Variants in ZNF253 observed in about 807,000 individuals in gnomAD.
ZNF253 encodes zinc finger protein 253.
Under a neutral mutation model 11.9 loss-of-function variants are expected in ZNF253, and 8 were observed. The observed-to-expected ratio is 0.67, with a 90% CI of 0.40 to 1.22. The LOEUF (loss-of-function observed/expected upper bound fraction) is 1.22, where lower values mean the gene tolerates loss of function less well. Among genes scored for constraint, ZNF253 ranks in the 50% most tolerant of loss-of-function variants. The pLI is 0.01. For missense variants in ZNF253, 485 were observed against 586.9 expected, an observed-to-expected ratio of 0.83 and a Z score of 1.79; for synonymous variants, 194 against 194.9, an observed-to-expected ratio of 1.00 and a Z score of 0.04.
At chr19:19,879,270 A>ATG (rs536887360) in intron 2 of ZNF253, among the ~76,000 whole-genome samples, 308 of 152,312 alleles carry the variant, frequency 2.0e-3, no homozygotes, top group Non-Finnish European at 3.5e-3. Flanking sequence ...TAATATTTAA[A>ATG]TGTACTGCAT....
intron 1 of ZNF253, among the ~76,000 whole-genome samples, chr19:19,869,940 G>T (rs1487017055): frequency 1.3e-5 from 2 of 151,852 alleles, no homozygotes; most frequent in Non-Finnish European, 2.9e-5. Flanking sequence ...AAAAGTGCTG[G>T]TATTACCGGT....
At chr19:19,880,615 G>A (rs763233313) in intron 3 of ZNF253, among the ~76,000 whole-genome samples, 1 of 151,780 alleles carries the variant, frequency 6.6e-6, no homozygotes, top group South Asian at 2.1e-4. Flanking sequence ...TGAGTCAGGA[G>A]AATCATTTGA....
Position 19,878,604 on chromosome 19 carries a change from C to A in ZNF253, c.127C>A (p.Leu43Ile). 2 of 1,611,828 alleles carry A rather than the reference C, an allele frequency of 1.2e-6. No homozygotes were observed. The highest frequency in any genetic ancestry group is 1.7e-6 in the Non-Finnish European group (2 of 1,179,212). The change falls in exon 2 of 4, where the codon CTT (leucine) becomes ATT (isoleucine). Residue 43 changes from leucine to isoleucine, a missense_variant. Coordinates refer to ENST00000589717, the MANE Select transcript of ZNF253 (RefSeq NM_021047.3). ...MLENYRNLVF[L>I]GIVVSKPDLV... ...AGAGAACTACAGAAACTTGGTCTTC[C>A]TTGGTGAGGACAACTTGAATATATA...
In ZNF253 at chr19:19,865,934, C is replaced by T. The variant is rs538038552; in HGVS notation, c.-63C>T. ...GCTTATAGAGGCCCGTCCTCTGTGG[C>T]CGTGTGACCTGCAAGTATTGGGAGA... On this transcript the variant is annotated 5_prime_UTR_variant, in exon 1 of 4. Transcript: ENST00000589717. 7.5e-6 allele frequency: 12 copies of T among 1,608,822 alleles called. No homozygotes were observed. In the East Asian group the frequency reaches 2.7e-4, roughly 36 times the overall value.
chr19:19,872,579 ATTATT>A (rs1440601245), intron 1 of ZNF253, among the ~76,000 whole-genome samples: 2 of 96,886 alleles, frequency 2.1e-5, no homozygotes, highest in Non-Finnish European at 3.7e-5. Context: ...ATATATATAT[ATTATT>A]ATATATATAT....
intron 3 of ZNF253, among the ~76,000 whole-genome samples, chr19:19,887,867 G>T (rs2063212733): frequency 6.7e-6 from 1 of 150,266 alleles, no homozygotes. Flanking sequence ...CTCCTGAGTA[G>T]CTGGGATTAC....
intron 1 of ZNF253, among the ~76,000 whole-genome samples, chr19:19,877,686 C>G (rs1188254628): frequency 1.3e-5 from 2 of 152,122 alleles, no homozygotes; most frequent in Non-Finnish European, 2.9e-5. Context: ...ATGCTGTGTT[C>G]TTCTGTGTGA....
chr19:19,880,273 GTTTTT>G (rs765915336), intron 3 of ZNF253, 127 bp downstream of exon 3: 166 of 203,872 alleles, frequency 8.1e-4, no homozygotes, highest in East Asian at 1.4e-3. Flanking sequence ...CTGGGCAGCT[GTTTTT>G]TTTTTTTTTT....
chr19:19,871,515 T>G (rs559694579), intron 1 of ZNF253, among the ~76,000 whole-genome samples: 1 of 152,330 alleles, frequency 6.6e-6, no homozygotes, highest in Non-Finnish European at 1.5e-5. Flanking sequence ...GCCATTTTTG[T>G]AGCAGAGTGA....
chr19:19,889,207 T>C (rs188599716), intron 3 of ZNF253, among the ~76,000 whole-genome samples: 77 of 151,886 alleles, frequency 5.1e-4, no homozygotes, highest in African/African-American at 1.4e-3. Flanking sequence ...AAGTTATTTT[T>C]ATATTTTTTA....
Position 19,892,651 on chromosome 19 carries a change from T to C in ZNF253, c.1404T>C (p.Asn468=). 6.2e-7 allele frequency: 1 copy of C among 1,613,572 alleles called. No homozygotes were observed. The highest frequency in any genetic ancestry group is 8.5e-7 in the Non-Finnish European group (1 of 1,179,832). The change falls in exon 4 of 4, where the codon AAT becomes AAC. Residue 468 remains asparagine (N), a synonymous_variant. Coordinates refer to ENST00000589717, the MANE Select transcript of ZNF253 (RefSeq NM_021047.3). ...GKAFNWSSDL[N]KHKKIHIERK... is the part of the protein sequence containing the mutation. Reference sequence around the variant, plus strand: ...CTTTTAACTGGTCCTCAGACCTTAATAAACATAAGAAAATTCATATTGAAC... The same window carrying C: ...CTTTTAACTGGTCCTCAGACCTTAACAAACATAAGAAAATTCATATTGAAC...
At chr19:19,872,580 T>TATATATATATATATATATATATATA (rs1555777030) in intron 1 of ZNF253, among the ~76,000 whole-genome samples, 7 of 108,366 alleles carry the variant, frequency 6.5e-5, no homozygotes, top group South Asian at 2.8e-4. Context: ...TATATATATA[T>TATATATATATATATATATATATATA]TATTATATAT....
intron 2 of ZNF253, 153 bp downstream of exon 2, chr19:19,878,760 A>G (rs1438334614): frequency 4.2e-6 from 3 of 722,128 alleles, no homozygotes; most frequent in Middle Eastern, 3.8e-4. Flanking sequence ...ATATTTCTGT[A>G]TAATTTTTAT....
intron 1 of ZNF253, among the ~76,000 whole-genome samples, chr19:19,866,678 A>G (rs2063112649): frequency 6.6e-6 from 1 of 152,002 alleles, no homozygotes; most frequent in African/African-American, 2.4e-5. Context: ...TTGTATTTTT[A>G]GTAGACATGC....
At position 19,880,192 on chromosome 19, in the gene ZNF253, G is replaced by A. The variant is rs772168471; in HGVS notation, c.226+46G>A. 19 of 1,415,476 alleles carry A rather than the reference G, an allele frequency of 1.3e-5. No individual in the cohort carries two copies. The East Asian group carries it at 4.7e-4, about 35-fold the overall frequency. 87.7% of individuals were successfully genotyped at this position (1,415,476 alleles called of 1,614,324 possible). ...ATACAACAGATGACACAGATAAAAGGTCCCAATGTCAAAGAGAAAACCAGT... is the reference window on the plus strand; with the variant it reads ...ATACAACAGATGACACAGATAAAAGATCCCAATGTCAAAGAGAAAACCAGT... On this transcript the variant is annotated intron_variant, in intron 3 of 3. Coordinates refer to ENST00000589717, the MANE Select transcript of ZNF253 (RefSeq NM_021047.3).
At chr19:19,891,007 A>ATTTTTTTTTTTTTTTTT (rs1568501169) in intron 3 of ZNF253, among the ~76,000 whole-genome samples, 5 of 149,820 alleles carry the variant, frequency 3.3e-5, no homozygotes, top group African/African-American at 1.3e-4. Flanking sequence ...TGTCTGGCTA[A>ATTTTTTTTTTTTTTTTT]TTTTTTGTAT....
intron 1 of ZNF253, among the ~76,000 whole-genome samples, chr19:19,868,132 A>G (rs1209359709): frequency 6.6e-6 from 1 of 151,180 alleles, no homozygotes; most frequent in Non-Finnish European, 1.5e-5. Context: ...AATTTTTTTT[A>G]TTCTGTAGGT....
At chr19:19,870,412 CA>C (rs2063129374) in intron 1 of ZNF253, among the ~76,000 whole-genome samples, 1 of 149,210 alleles carries the variant, frequency 6.7e-6, no homozygotes, top group South Asian at 2.1e-4. Flanking sequence ...AAAAAAGCTA[CA>C]TATATTATGA....
At chr19:19,890,859 T>TTTTTTA (rs1491384633) in intron 3 of ZNF253, among the ~76,000 whole-genome samples, 1 of 118,356 alleles carries the variant, frequency 8.4e-6, no homozygotes, top group Non-Finnish European at 1.6e-5. Context: ...TTTTTTTTTT[T>TTTTTTA]GAGATGGCGT....
Sources: gnomAD v4.1 joint callset for allele counts (sites outside exome capture counted in the v4.1 genomes callset) on GRCh38, gnomAD v4.1.1 for gene constraint, MANE v1.5 for transcripts, NCBI Gene and HGNC (gene_info 2026-07-23, HGNC 2026-07-21) for gene names.